The following PPP1R12A variants were observed in gnomAD, a reference collection of about 807,000 sequenced individuals.
The protein encoded by PPP1R12A is myosin binding subunit.
A neutral mutation model predicts 139.6 loss-of-function variants in PPP1R12A; 19 were observed. The observed-to-expected ratio is 0.14, with a 90% CI of 0.09 to 0.20. The LOEUF is 0.20. Among genes scored for constraint, PPP1R12A ranks in the 10% least tolerant of loss-of-function variants. The pLI, the probability that PPP1R12A is intolerant of heterozygous loss-of-function variation, is 1.00. For missense variants in PPP1R12A, 925 were observed against 1,211.5 expected (o/e 0.76, Z 3.51); for synonymous variants, 427 against 420.6 (o/e 1.02, Z -0.19).
chr12:79,857,709 T>C (rs985790610), intron 2 of PPP1R12A, among the ~76,000 whole-genome samples: 1 of 152,200 alleles, frequency 6.6e-6, no homozygotes, highest in African/African-American at 2.4e-5. Context: ...CCATTTAGTC[T>C]ACCAAGTATT....
chr12:79,782,261 T>C (rs1870548153), intron 22 of PPP1R12A: 1 of 177,798 alleles, frequency 5.6e-6, no homozygotes, highest in Non-Finnish European at 1.2e-5. Context: ...TTGAAATATA[T>C]TCATCAGCAG....
intron 12 of PPP1R12A, 152 bp downstream of exon 12, chr12:79,807,074 C>A (rs11114246): frequency 0.73 from 369,507 of 505,652 alleles, 150,696 homozygotes; most frequent in Non-Finnish European, 0.88. Context: ...AAATATATAT[C>A]CTGTGTTTAG....
chr12:79,925,409 A>G (rs1887763919), intron 1 of PPP1R12A, among the ~76,000 whole-genome samples: 1 of 152,184 alleles, frequency 6.6e-6, no homozygotes, highest in South Asian at 2.1e-4. Context: ...GCTTTGTACA[A>G]TCTTATGATT....
At chr12:79,901,804 G>A (rs1467293662) in intron 1 of PPP1R12A, among the ~76,000 whole-genome samples, 1 of 152,168 alleles carries the variant, frequency 6.6e-6, no homozygotes, top group Admixed American at 6.6e-5. Context: ...CCTAGGAGAA[G>A]AGGCATGAAA....
chr12:79,822,915 G>T (rs1876298586), intron 5 of PPP1R12A, among the ~76,000 whole-genome samples: 1 of 150,962 alleles, frequency 6.6e-6, no homozygotes. Flanking sequence ...ATACAGTTAA[G>T]GGCAAAATTA....
chr12:79,813,259 A>G (rs758458210), intron 9 of PPP1R12A, among the ~76,000 whole-genome samples: 1 of 152,110 alleles, frequency 6.6e-6, no homozygotes, highest in Non-Finnish European at 1.5e-5. Context: ...CCACTTGCTC[A>G]TATTGTTTTT....
chr12:79,883,327 T>C (rs1883820327), intron 1 of PPP1R12A, among the ~76,000 whole-genome samples: 1 of 152,118 alleles, frequency 6.6e-6, no homozygotes, highest in African/African-American at 2.4e-5. Flanking sequence ...CGGTATAGCA[T>C]AAACACAACT....
At chr12:79,781,654 T>C (rs543854479) in intron 23 of PPP1R12A, among the ~76,000 whole-genome samples, 161 bp downstream of exon 23, 25 of 152,134 alleles carry the variant, frequency 1.6e-4, no homozygotes, top group African/African-American at 4.6e-4. Context: ...AGAAACCCCA[T>C]AGAATTCTAT....
Position 79,797,440 on chromosome 12 carries a change from C to T in PPP1R12A, c.2092-45G>A, listed in dbSNP as rs369355268. The T allele has an allele frequency of 1.4e-5, 20 of 1,474,128 alleles. No homozygotes were observed. The East Asian group carries it at 2.8e-4, about 21-fold the overall frequency. 91.3% of individuals were successfully genotyped at this position (1,474,128 alleles called of 1,614,324 possible). A position where few individuals can be genotyped will look rare whatever the true frequency, so the allele number is the denominator to read the frequency against. On this transcript the variant is annotated intron_variant, in intron 15 of 24. Transcript: ENST00000450142. Reference sequence around the variant, plus strand: ...AATATAATTATGAGATGCATTAAAGCTTGTTTCAAGGAATATTTTAGAAAT... The same window carrying T: ...AATATAATTATGAGATGCATTAAAGTTTGTTTCAAGGAATATTTTAGAAAT...
chr12:79,820,969 C>T, intron 7 of PPP1R12A, 38 bp from the exon 8 acceptor site: 2 of 1,608,066 alleles, frequency 1.2e-6, no homozygotes, highest in East Asian at 2.2e-5. Flanking sequence ...ATTAGAAATA[C>T]AAAAGGTTAA....
At position 79,816,345 on chromosome 12, in the gene PPP1R12A, T is replaced by C. The variant is rs147559898; in HGVS notation, c.1239+1049A>G. ...TGAAGAATAGCCTTGTACTAGGAGA[T>C]ACATACTGACATATTTAGGCATGAA... On this transcript the variant is annotated intron_variant, in intron 9 of 24. Coordinates refer to ENST00000450142, the MANE Select transcript of PPP1R12A (RefSeq NM_002480.3). Among the ~76,000 whole-genome samples the C allele has an allele frequency of 1.6e-4, 24 of 152,192 alleles. No homozygotes were observed. In the East Asian group the frequency reaches 3.9e-3, roughly 24 times the overall value.
intron 4 of PPP1R12A, among the ~76,000 whole-genome samples, chr12:79,832,116 C>T (rs1877502230): frequency 6.6e-6 from 1 of 152,106 alleles, no homozygotes; most frequent in Non-Finnish European, 1.5e-5. Context: ...TGGAAAATCA[C>T]AACTGATTAA....
chr12:79,883,552 G>A (rs1883843739), intron 1 of PPP1R12A, among the ~76,000 whole-genome samples: 1 of 152,076 alleles, frequency 6.6e-6, no homozygotes, highest in Admixed American at 6.6e-5. Context: ...TCAAGCAGCA[G>A]ACTGGGAAAA....
intron 2 of PPP1R12A, among the ~76,000 whole-genome samples, chr12:79,871,930 T>C (rs1262142755): frequency 6.6e-6 from 1 of 152,152 alleles, no homozygotes; most frequent in African/African-American, 2.4e-5. Flanking sequence ...AAAGATGTCG[T>C]ATAGTTAGTG....
chr12:79,804,671 C>A (rs931866834), intron 14 of PPP1R12A, among the ~76,000 whole-genome samples: 12 of 150,792 alleles, frequency 8.0e-5, no homozygotes, highest in Non-Finnish European at 1.5e-4. Context: ...TTACATAGTT[C>A]ATTTAATTTT....
intron 1 of PPP1R12A, among the ~76,000 whole-genome samples, chr12:79,892,876 G>C (rs1884787008): frequency 6.6e-6 from 1 of 152,168 alleles, no homozygotes; most frequent in Non-Finnish European, 1.5e-5. Context: ...GGCCAAGGTG[G>C]GCGGATCACT....
intron 24 of PPP1R12A, chr12:79,777,262 G>A (rs937151251): frequency 8.6e-5 from 83 of 965,488 alleles, no homozygotes; most frequent in Non-Finnish European, 9.7e-5. Flanking sequence ...GCTAAAAAAT[G>A]TGCAAAAGCT....
chr12:79,903,684 C>T (rs142661843), intron 1 of PPP1R12A, among the ~76,000 whole-genome samples: 3 of 152,264 alleles, frequency 2.0e-5, no homozygotes, highest in African/African-American at 7.2e-5. Context: ...GATCTTGATA[C>T]TGTGTCCATG....
chr12:79,812,378 G>C (rs1189044212), intron 9 of PPP1R12A, among the ~76,000 whole-genome samples: 3 of 136,334 alleles, frequency 2.2e-5, no homozygotes, highest in Non-Finnish European at 4.7e-5. Context: ...TTTCTTGACT[G>C]ACTCTGTGTG....
Sources: gnomAD v4.1 joint callset for allele counts (sites outside exome capture counted in the v4.1 genomes callset) on GRCh38, gnomAD v4.1.1 for gene constraint, MANE v1.5 for transcripts, NCBI Gene and HGNC (gene_info 2026-07-23, HGNC 2026-07-21) for gene names.